Variants in TTLL10 observed in about 807,000 individuals in gnomAD.
TTLL10 encodes tubulin tyrosine ligase like 10.
A neutral mutation model predicts 69.0 loss-of-function variants in TTLL10; 61 were observed. That is an observed-to-expected ratio of 0.88 (90% CI 0.72 to 1.09). TTLL10 has a LOEUF of 1.09. Ranked by LOEUF, TTLL10 falls within the 50% of genes least tolerant of loss-of-function variation. The pLI is 0.00. For missense variants in TTLL10, 962 were observed against 945.9 expected (o/e 1.02, Z -0.22); for synonymous variants, 408 against 393.3 (o/e 1.04, Z -0.44).
At chr1:1,193,306 C>T (rs1353654115) in intron 13 of TTLL10, among the ~76,000 whole-genome samples, 1 of 152,114 alleles carries the variant, frequency 6.6e-6, no homozygotes, top group Non-Finnish European at 1.5e-5. Context: ...GCCTGGGTGA[C>T]AGAGCGAGAC....
intron 3 of TTLL10, 107 bp from the exon 4 acceptor site, chr1:1,179,082 G>A (rs939508495): frequency 9.6e-6 from 7 of 728,978 alleles, no homozygotes; most frequent in Admixed American, 3.1e-5. Context: ...CCTGGGAGGC[G>A]CCCTTTCCTG....
chr1:1,180,457 G>GGCCCCCCCCCC, intron 6 of TTLL10, 26 bp from the exon 7 acceptor site: 4 of 1,520,716 alleles, frequency 2.6e-6, no homozygotes, highest in Non-Finnish European at 3.6e-6. Flanking sequence ...CGGCCCCCAG[G>GGCCCCCCCCCC]TCACCCCCGC....
rs369902272 is a variant in TTLL10, at chr1:1,197,059, G to A, written c.1519-34G>A. ...TGCCTCCTGCTGGCCCAGTGGGCTC[G>A]GGGTGAGGAGGGACTGACTGGCGTC... On this transcript the variant is annotated intron_variant, in intron 14 of 15. Transcript: ENST00000379289. The A allele has an allele frequency of 3.2e-4, 490 of 1,547,582 alleles. 2 individuals are homozygous for A. The highest frequency in any genetic ancestry group is 9.4e-4 in the Admixed American group (48 of 50,928).
chr1:1,176,004 G>A (rs1646858901), intron 3 of TTLL10: 2 of 447,656 alleles, frequency 4.5e-6, no homozygotes, highest in Admixed American at 4.8e-5. Context: ...GCTGCTCCCA[G>A]CCACTGTGCA....
chr1:1,178,188 C>G (rs1646931981), intron 3 of TTLL10, among the ~76,000 whole-genome samples: 1 of 152,166 alleles, frequency 6.6e-6, no homozygotes, highest in South Asian at 2.1e-4. Context: ...CTTCTCCAGC[C>G]TCAGAGCCCC....
In TTLL10 at chr1:1,185,958, T is replaced by A; in HGVS notation, c.1401+849T>A. The A allele has an allele frequency of 5.8e-6, 3 of 517,698 alleles. No individual in the cohort carries two copies. The highest frequency in any genetic ancestry group is 5.0e-6 in the Non-Finnish European group (2 of 402,514). The allele number at this position is 517,698 out of a possible 1,614,324, so 32.1% of individuals were successfully genotyped here. On this transcript the variant is annotated intron_variant, in intron 13 of 15. Coordinates refer to ENST00000379289, the MANE Select transcript of TTLL10 (RefSeq NM_001130045.2). This position sits in a 1 kb window ranked among gnomAD's most constrained non-coding sequence, Gnocchi z 6.1. ...CATCACCTCAAAAAAGAAACACTAC[T>A]AACGAGCCATCACAGCTACATTGCC... is the stretch of plus-strand genomic sequence containing the variant.
chr1:1,188,054 T>A (rs12066716), intron 13 of TTLL10, among the ~76,000 whole-genome samples: 31,219 of 152,212 alleles, frequency 0.21, 3,794 homozygotes, highest in African/African-American at 0.34. Flanking sequence ...TCCAACAGCA[T>A]TCTCTTGCAT....
At position 1,185,354 on chromosome 1, in the gene TTLL10, C is replaced by T. The variant is rs571410418; in HGVS notation, c.1401+245C>T. 5.9e-6 allele frequency: 8 copies of T among 1,352,270 alleles called. No individual in the cohort carries two copies. In the South Asian group the frequency reaches 7.6e-5, roughly 13 times the overall value. 83.8% of individuals were successfully genotyped at this position (1,352,270 alleles called of 1,614,324 possible). ...CGGGGGTCTGTCGGCACGAGTCCCG[C>T]GGGCAGCCTCGCCGTAGGGTCAGGG... On this transcript the variant is annotated intron_variant, in intron 13 of 15. Transcript: ENST00000379289. The surrounding 1 kb of genome is among the most constrained non-coding windows in gnomAD (Gnocchi z 6.1).
chr1:1,181,556 C>T lies in TTLL10; in HGVS notation c.756-185C>T, dbSNP rs748946568. 1.9e-4 allele frequency among the ~76,000 whole-genome samples: 29 copies of T among 152,168 alleles called. No homozygotes were observed. Among genetic ancestry groups the T allele is most frequent in the Non-Finnish European group, 4.4e-5 (3 of 68,034 alleles). On this transcript the variant is annotated intron_variant, in intron 8 of 15. Coordinates refer to ENST00000379289, the MANE Select transcript of TTLL10 (RefSeq NM_001130045.2). This position sits in a 1 kb window ranked among gnomAD's most constrained non-coding sequence, Gnocchi z 4.6. ...GACACCAGCTTTACACCATGTCCAG[C>T]GTCCACTTCCAGCCTAGAGCAACAC...
chr1:1,179,192 C>T lies in TTLL10; in HGVS notation c.-24C>T, dbSNP rs956810634. ...CAGAGCGGCATCTTCCCTTCAGGGC[C>T]CTCGCCCGGGCACCCCCCGGCCAAT... On this transcript the variant is annotated 5_prime_UTR_variant, in exon 4 of 16. Coordinates refer to ENST00000379289, the MANE Select transcript of TTLL10 (RefSeq NM_001130045.2). The T allele has an allele frequency of 2.2e-5, 33 of 1,517,492 alleles. No individual in the cohort carries two copies. The highest frequency in any genetic ancestry group is 4.0e-4 in the Middle Eastern group (2 of 4,974). The allele number at this position is 1,517,492 out of a possible 1,614,324, so 94.0% of individuals were successfully genotyped here.
At chr1:1,184,200 C>T in intron 12 of TTLL10, 109 bp downstream of exon 12, 1 of 1,490,994 alleles carries the variant, frequency 6.7e-7, no homozygotes, top group South Asian at 1.2e-5. Flanking sequence ...AGGAGGTGGC[C>T]CAGGCCGGGA....
In TTLL10 at chr1:1,179,689, C is replaced by A. The variant is rs1489867652; in HGVS notation, c.151C>A (p.Pro51Thr). The A allele has an allele frequency of 6.4e-7, 1 of 1,550,862 alleles. No homozygotes were observed. Among genetic ancestry groups the A allele is most frequent in the African/African-American group, 1.4e-5 (1 of 73,048 alleles). ...TIPASRLHPAPASQPGPCPAP... is the reference protein window; with the variant it reads ...TIPASRLHPATASQPGPCPAP... ...CCCTGCGTCACGTCTGCACCCAGCACCGGCCTCACAGCCCGGCCCCTGCCC... is the reference window on the plus strand; with the variant it reads ...CCCTGCGTCACGTCTGCACCCAGCAACGGCCTCACAGCCCGGCCCCTGCCC... The change falls in exon 5 of 16, where the codon CCG (proline) becomes ACG (threonine). Residue 51 changes from proline to threonine, a missense_variant. Pro to Thr is a conservative substitution (Grantham distance 38). Transcript: ENST00000379289.
chr1:1,197,046 G>A, intron 14 of TTLL10, 47 bp from the exon 15 acceptor site: 1 of 1,527,452 alleles, frequency 6.5e-7, no homozygotes, highest in Non-Finnish European at 8.9e-7. Context: ...CCTCCTGCTG[G>A]CCCAGTGGGC....
At chr1:1,184,367 G>T (rs981510502) in intron 12 of TTLL10, among the ~76,000 whole-genome samples, 1 of 152,240 alleles carries the variant, frequency 6.6e-6, no homozygotes, top group African/African-American at 2.4e-5. Context: ...GTGCAGCCTG[G>T]CTCCCAAGCC....
intron 3 of TTLL10, among the ~76,000 whole-genome samples, chr1:1,178,901 T>C (rs1322048580): frequency 6.6e-6 from 1 of 151,986 alleles, no homozygotes; most frequent in South Asian, 2.1e-4. Context: ...TGCCCCTCCT[T>C]CCAGCCGGCA....
Position 1,181,892 on chromosome 1 carries a change from A to T in TTLL10, c.830+77A>T. On this transcript the variant is annotated intron_variant, in intron 9 of 15. Coordinates refer to ENST00000379289, the MANE Select transcript of TTLL10 (RefSeq NM_001130045.2). The surrounding 1 kb of genome is among the most constrained non-coding windows in gnomAD (Gnocchi z 4.6). Reference sequence around the variant, plus strand: ...ACCTGGTGTCGTCTGAAAAGGAGAAAGCGGGGCGGGGGTCCCACACAAAGG... The same window carrying T: ...ACCTGGTGTCGTCTGAAAAGGAGAATGCGGGGCGGGGGTCCCACACAAAGG... 7 of 1,389,884 alleles carry T rather than the reference A, an allele frequency of 5.0e-6. No homozygotes were observed. The highest frequency in any genetic ancestry group is 7.0e-6 in the Non-Finnish European group (7 of 1,005,188). The allele number at this position is 1,389,884 out of a possible 1,614,324, so 86.1% of individuals were successfully genotyped here. A position where few individuals can be genotyped will look rare whatever the true frequency, so the allele number is the denominator to read the frequency against.
At chr1:1,189,707 G>C (rs1228634158) in intron 13 of TTLL10, among the ~76,000 whole-genome samples, 2 of 152,088 alleles carry the variant, frequency 1.3e-5, no homozygotes, top group African/African-American at 4.8e-5. Context: ...AGCCACCTGG[G>C]TTTTCCTCTG....
chr1:1,180,632 C>G, intron 7 of TTLL10, 31 bp downstream of exon 7: 1 of 1,552,296 alleles, frequency 6.4e-7, no homozygotes. Context: ...AGGCGGGCAG[C>G]CTGCAGGGGC....
chr1:1,183,025 C>T lies in TTLL10; in HGVS notation c.1066C>T (p.Pro356Ser), dbSNP rs1647126585. 1.9e-6 allele frequency: 3 copies of T among 1,608,144 alleles called. No homozygotes were observed. Among genetic ancestry groups the T allele is most frequent in the East Asian group, 2.2e-5 (1 of 44,636 alleles). Reference protein sequence around the residue: ...PIHHKTPFRGPQARVVQRYIQ... With the variant: ...PIHHKTPFRGSQARVVQRYIQ... ...CCACCACAAGACGCCGTTCCGGGGG[C>T]CTCAGGCGCGGGTGGTGCAGAGGTG... The change falls in exon 11 of 16, where the codon CCT becomes TCT. Residue 356 changes from proline to serine, a missense_variant. Physicochemically the swap from Pro to Ser is moderately conservative, Grantham distance 74. Transcript: ENST00000379289.
Sources: allele counts gnomAD v4.1 joint callset (sites outside exome capture counted in the v4.1 genomes callset), GRCh38; gene constraint gnomAD v4.1.1; non-coding constraint Gnocchi (gnomAD v3.1); transcripts MANE v1.5; gene names NCBI Gene and HGNC (gene_info 2026-07-23, HGNC 2026-07-21).